Variants in BORA observed in about 807,000 individuals in gnomAD.
The protein encoded by BORA is BORA aurora kinase A activator.
In BORA, 26 loss-of-function variants were observed where a neutral mutation model predicts 55.8. That is an observed-to-expected ratio of 0.47 (90% CI 0.34 to 0.65). The LOEUF (loss-of-function observed/expected upper bound fraction) is 0.65, where lower values mean the gene tolerates loss of function less well. Among genes scored for constraint, BORA ranks in the 30% least tolerant of loss-of-function variants. The pLI is 0.01. For synonymous variants in BORA, 201 were observed against 216.9 expected (o/e 0.93, Z 0.64); for missense variants, 568 against 671.5 (o/e 0.85, Z 1.70).
intron 2 of BORA, among the ~76,000 whole-genome samples, chr13:72,730,877 C>T (rs1191285768): frequency 6.9e-6 from 1 of 145,268 alleles, no homozygotes; most frequent in Non-Finnish European, 1.5e-5. Flanking sequence ...ATGGTGAAAC[C>T]CCATCTCTAC....
At chr13:72,748,108 G>A (rs1023314462) in intron 10 of BORA, among the ~76,000 whole-genome samples, 4 of 152,120 alleles carry the variant, frequency 2.6e-5, no homozygotes, top group African/African-American at 7.2e-5. Context: ...TAACACTAAC[G>A]TAGCATTACT....
intron 7 of BORA, 94 bp downstream of exon 7, chr13:72,744,655 A>G: frequency 3.2e-6 from 3 of 940,576 alleles, no homozygotes; most frequent in Non-Finnish European, 4.9e-6. Context: ...AATATGTGGC[A>G]GTGCCTCTTT....
intron 7 of BORA, 101 bp downstream of exon 7, chr13:72,744,662 C>T (rs909960100): frequency 1.1e-6 from 1 of 887,740 alleles, no homozygotes; most frequent in Non-Finnish European, 1.8e-6. Flanking sequence ...GGCAGTGCCT[C>T]TTTCTAAAGA....
Position 72,746,384 on chromosome 13 carries a change from A to C in BORA, c.872-117A>C, listed in dbSNP as rs1413217639. 3 of 1,231,858 alleles carry C rather than the reference A, an allele frequency of 2.4e-6. No individual in the cohort carries two copies. The African/African-American group carries it at 4.5e-5, about 19-fold the overall frequency. The allele number at this position is 1,231,858 out of a possible 1,614,324, so 76.3% of individuals were successfully genotyped here. The stretch of plus-strand genomic sequence containing the variant: ...CATCACAATTTCACTTTGGTAAACA[A>C]CACAACTGTTACAGAAATGCAGTTT... On this transcript the variant is annotated intron_variant, in intron 9 of 11. Transcript: ENST00000390667.
At position 72,728,343 on chromosome 13, in the gene BORA, G is replaced by C. The variant is rs4885034; in HGVS notation, c.-16+336G>C. 1.0e-5 allele frequency: 6 copies of C among 600,856 alleles called. No homozygotes were observed. The South Asian group carries it at 1.2e-4, about 12-fold the overall frequency. The allele number at this position is 600,856 out of a possible 1,614,324, so 37.2% of individuals were successfully genotyped here. ...GGAGGGGTGGAGGGGAGGTCTTGGC[G>C]AAAGGAGGATTTTTGGAGGAAAGGG... On this transcript the variant is annotated intron_variant, in intron 1 of 11. Transcript: ENST00000390667.
intron 10 of BORA, 78 bp downstream of exon 10, chr13:72,747,189 AAGAT>A: frequency 6.8e-7 from 1 of 1,463,540 alleles, no homozygotes. Flanking sequence ...TAGTATAAGA[AAGAT>A]AATGGATTAA....
Position 72,738,053 on chromosome 13 carries a change from C to G in BORA, c.388+10C>G. The G allele has an allele frequency of 6.4e-7, 1 of 1,569,408 alleles. No individual in the cohort carries two copies. The highest frequency in any genetic ancestry group is 8.7e-7 in the Non-Finnish European group (1 of 1,149,678). ...TGTCATTCCAGTAAATGTGAGTGTACTAAAAATGATATGAATAAAAATCAA... is the reference window on the plus strand; with the variant it reads ...TGTCATTCCAGTAAATGTGAGTGTAGTAAAAATGATATGAATAAAAATCAA... On this transcript the variant is annotated intron_variant, in intron 5 of 11. Transcript: ENST00000390667.
In BORA at chr13:72,745,161, A is replaced by G. The variant is rs1230783495; in HGVS notation, c.692A>G (p.Asp231Gly). Residue 231 changes from aspartate (D) to glycine (G), a missense_variant, in exon 8 of 12, where the codon GAT becomes GGT. By Grantham distance (94) the Asp-to-Gly change is moderately conservative. Transcript: ENST00000390667. ...TCACTAGAGATGTTTTATTCAATAG[A>G]TTTGTCTCCTGTAAAGTGTAGGAGC... The part of the protein sequence containing the change: ...QTSLEMFYSI[D>G]LSPVKCRSPL... 1.2e-6 allele frequency: 2 copies of G among 1,614,106 alleles called. No homozygotes were observed. The highest frequency in any genetic ancestry group is 2.2e-5 in the South Asian group (2 of 91,084).
intron 9 of BORA, among the ~76,000 whole-genome samples, 149 bp from the exon 10 acceptor site, chr13:72,746,343 GTGCTATTGT>G (rs1429515308): frequency 6.6e-6 from 1 of 152,174 alleles, no homozygotes; most frequent in Non-Finnish European, 1.5e-5. Context: ...ATTTCCATTT[GTGCTATTGT>G]TTTTGACATC....
chr13:72,736,906 T>C (rs769904850), intron 4 of BORA, among the ~76,000 whole-genome samples: 2 of 151,564 alleles, frequency 1.3e-5, no homozygotes, highest in Non-Finnish European at 2.9e-5. Context: ...TTGAGTGAAC[T>C]TATACATCAC....
chr13:72,753,673 C>A lies in BORA; in HGVS notation c.1483-17C>A, dbSNP rs1052977228. 6.3e-7 allele frequency: 1 copy of A among 1,589,038 alleles called. No homozygotes were observed. The highest frequency in any genetic ancestry group is 1.8e-5 in the Admixed American group (1 of 54,726). On this transcript the variant is annotated splice_polypyrimidine_tract_variant and intron_variant, in intron 10 of 11. Transcript: ENST00000390667. ...TAAGTTCCTCACAATATATTTTTTT[C>A]TTTTTTCTCCTGTCAGATGGATAGT...
At chr13:72,729,215 T>C in intron 2 of BORA, 122 bp downstream of exon 2, 1 of 795,098 alleles carries the variant, frequency 1.3e-6, no homozygotes, top group Non-Finnish European at 1.9e-6. Context: ...CATATATAGC[T>C]GCAATATACT....
chr13:72,748,920 T>C (rs142670633), intron 10 of BORA, among the ~76,000 whole-genome samples: 1 of 152,266 alleles, frequency 6.6e-6, no homozygotes, highest in East Asian at 1.9e-4. Flanking sequence ...GCAGGGCTAT[T>C]CCATTCATTT....
chr13:72,746,350 T>G, intron 9 of BORA, 151 bp from the exon 10 acceptor site: 1 of 977,510 alleles, frequency 1.0e-6, no homozygotes, highest in South Asian at 1.7e-5. Context: ...TTTGTGCTAT[T>G]GTTTTTGACA....
At chr13:72,732,401 G>A (rs975190261) in intron 3 of BORA, among the ~76,000 whole-genome samples, 1 of 152,158 alleles carries the variant, frequency 6.6e-6, no homozygotes, top group Non-Finnish European at 1.5e-5. Flanking sequence ...GAGGCCAGGT[G>A]TGGTGGCTCA....
At chr13:72,738,156 G>A in intron 5 of BORA, 113 bp downstream of exon 5, 9 of 559,032 alleles carry the variant, frequency 1.6e-5, no homozygotes, top group East Asian at 4.3e-5. Context: ...TTAAAATTCT[G>A]GATAACATAG....
chr13:72,735,199 A>C (rs889010307), intron 4 of BORA, among the ~76,000 whole-genome samples, 194 bp downstream of exon 4: 5 of 152,160 alleles, frequency 3.3e-5, no homozygotes, highest in African/African-American at 1.2e-4. Flanking sequence ...AGTACCTTGC[A>C]TAGCACTTGC....
intron 5 of BORA, 43 bp downstream of exon 5, chr13:72,738,086 G>T (rs200849610): frequency 4.2e-6 from 6 of 1,435,638 alleles, no homozygotes; most frequent in Non-Finnish European, 5.8e-6. Flanking sequence ...CAAAAAAGTC[G>T]GTGAATATAA....
chr13:72,754,568 T>C (rs1180888888), intron 11 of BORA: 1 of 152,218 alleles, frequency 6.6e-6, no homozygotes, highest in Admixed American at 6.5e-5. Context: ...CTTTCTGTTG[T>C]ATGTAGTAGG....
Sources: allele counts gnomAD v4.1 joint callset (sites outside exome capture counted in the v4.1 genomes callset), GRCh38; gene constraint gnomAD v4.1.1; transcripts MANE v1.5; gene names NCBI Gene and HGNC (gene_info 2026-07-23, HGNC 2026-07-21).